Variants in CTNND2 observed in about 807,000 individuals in gnomAD.
CTNND2 encodes the protein catenin delta 2, also known as catenin delta-2.
A neutral mutation model predicts 144.4 loss-of-function variants in CTNND2; 22 were observed. The ratio of observed to expected loss-of-function variants is 0.15; its 90% CI spans 0.11 to 0.22. The LOEUF (loss-of-function observed/expected upper bound fraction) is 0.22, where lower values mean the gene tolerates loss of function less well. CTNND2 is among the 10% of genes least tolerant of loss of function. CTNND2 has a pLI of 1.00. For missense variants in CTNND2, 1,353 were observed against 1,618.8 expected (o/e 0.84, Z 2.82); for synonymous variants, 751 against 695.6 (o/e 1.08, Z -1.25).
chr5:11,484,927 G>C (rs903985122), intron 3 of CTNND2, among the ~76,000 whole-genome samples: 1 of 152,078 alleles, frequency 6.6e-6, no homozygotes, highest in African/African-American at 2.4e-5. Context: ...TAAAAGAGGT[G>C]AAAGTATGAA....
chr5:11,758,673 T>A lies in CTNND2; in HGVS notation c.38-26401A>T, dbSNP rs542045840. Among the ~76,000 whole-genome samples, 10 of 152,212 alleles carry A rather than the reference T, an allele frequency of 6.6e-5. No homozygotes were observed. The South Asian group carries it at 2.1e-3, about 32-fold the overall frequency. On this transcript the variant is annotated intron_variant, in intron 1 of 21. Coordinates refer to ENST00000304623, the MANE Select transcript of CTNND2 (RefSeq NM_001332.4). ...TTATGTAACCATATCATATAGTAAA[T>A]CTTAGATATGAGTAAACAGGTTTAA...
At chr5:11,218,011 C>G (rs60478822) in intron 10 of CTNND2, among the ~76,000 whole-genome samples, 1 of 151,340 alleles carries the variant, frequency 6.6e-6, no homozygotes, top group Non-Finnish European at 1.5e-5. Flanking sequence ...TCATTTCTTC[C>G]TTCTTTCCTC....
intron 1 of CTNND2, among the ~76,000 whole-genome samples, chr5:11,885,466 AAT>A (rs1443933174): frequency 1.3e-5 from 2 of 152,190 alleles, no homozygotes; most frequent in Non-Finnish European, 2.9e-5. Context: ...ATCCTTATAT[AAT>A]GATCTTTGGG....
chr5:11,668,592 T>C lies in CTNND2; in HGVS notation c.174+63544A>G, dbSNP rs549936047. On this transcript the variant is annotated intron_variant, in intron 2 of 21. Transcript: ENST00000304623. ...TCTGTTAATGGTGTATAGGAATGCC[T>C]GTGATTTTTGCACATTGATTTTGTA... Among the ~76,000 whole-genome samples the C allele has an allele frequency of 3.9e-5, 6 of 152,340 alleles. No individual in the cohort carries two copies. The South Asian group carries it at 1.2e-3, about 32-fold the overall frequency.
At chr5:11,067,147 C>G (rs1747705376) in intron 16 of CTNND2, among the ~76,000 whole-genome samples, 3 of 152,102 alleles carry the variant, frequency 2.0e-5, no homozygotes, top group Middle Eastern at 3.2e-3. Context: ...GCCTCACATC[C>G]CCTCTATATA....
intron 3 of CTNND2, among the ~76,000 whole-genome samples, chr5:11,512,147 C>T (rs1771709186): frequency 1.3e-5 from 2 of 152,220 alleles, no homozygotes; most frequent in Non-Finnish European, 2.9e-5. Context: ...GGGCCCCACA[C>T]TGAGAAGAAC....
chr5:11,503,687 T>C (rs1296581185), intron 3 of CTNND2, among the ~76,000 whole-genome samples: 1 of 152,158 alleles, frequency 6.6e-6, no homozygotes, highest in Non-Finnish European at 1.5e-5. Flanking sequence ...AACTCCAGAG[T>C]GATTTAAAGA....
chr5:11,042,317 T>C (rs1344122065), intron 16 of CTNND2, among the ~76,000 whole-genome samples: 1 of 152,230 alleles, frequency 6.6e-6, no homozygotes. Flanking sequence ...AGTCTGTTTT[T>C]AGTGTTGGCT....
chr5:11,533,325 T>C (rs1403083935), intron 3 of CTNND2, among the ~76,000 whole-genome samples: 2 of 152,242 alleles, frequency 1.3e-5, no homozygotes, highest in African/African-American at 2.4e-5. Flanking sequence ...TTAATGTAAA[T>C]TATACTCAGG....
chr5:11,592,154 TC>T (rs1779277934), intron 2 of CTNND2, among the ~76,000 whole-genome samples: 2 of 133,880 alleles, frequency 1.5e-5, no homozygotes, highest in Non-Finnish European at 3.2e-5. Context: ...CTTCCTGCCT[TC>T]CTGCCTGCCT....
At chr5:11,706,305 A>G (rs1785689699) in intron 2 of CTNND2, among the ~76,000 whole-genome samples, 1 of 152,208 alleles carries the variant, frequency 6.6e-6, no homozygotes, top group South Asian at 2.1e-4. Context: ...AACAAAAGCA[A>G]AACTCTGAAA....
chr5:11,316,067 A>C (rs1477839414), intron 9 of CTNND2, among the ~76,000 whole-genome samples: 2 of 152,182 alleles, frequency 1.3e-5, no homozygotes, highest in African/African-American at 4.8e-5. Context: ...TCTAAATGTT[A>C]ATCTGATTCC....
In CTNND2 at chr5:11,425,563, C is replaced by T. The variant is rs559953056; in HGVS notation, c.288-13494G>A. Among the ~76,000 whole-genome samples the T allele has an allele frequency of 5.3e-5, 8 of 152,250 alleles. No individual in the cohort carries two copies. In the South Asian group the frequency reaches 6.2e-4, roughly 12 times the overall value. On this transcript the variant is annotated intron_variant, in intron 3 of 21. Coordinates refer to ENST00000304623, the MANE Select transcript of CTNND2 (RefSeq NM_001332.4). ...TGAATGAGAGGTCTGATGAAACAAC[C>T]GCACTGCCAGTCGAATGTATAAAAT...
chr5:11,448,861 AGTTT>A (rs753849626), intron 3 of CTNND2, among the ~76,000 whole-genome samples: 4 of 151,290 alleles, frequency 2.6e-5, no homozygotes, highest in East Asian at 1.9e-4. Flanking sequence ...CTTGTTTGCT[AGTTT>A]GTTTGTTTGT....
At chr5:11,037,196 C>T (rs1274466875) in intron 16 of CTNND2, among the ~76,000 whole-genome samples, 1 of 152,196 alleles carries the variant, frequency 6.6e-6, no homozygotes, top group Admixed American at 6.5e-5. Context: ...ATGGCCGTCA[C>T]TGACTAATTA....
intron 3 of CTNND2, among the ~76,000 whole-genome samples, chr5:11,542,748 A>G (rs529212712): frequency 1.2e-4 from 18 of 152,340 alleles, no homozygotes; most frequent in African/African-American, 4.1e-4. Context: ...TTGTCTGTCA[A>G]TCAAAGCCTT....
chr5:11,565,318 AG>A (rs1776991029), intron 2 of CTNND2, among the ~76,000 whole-genome samples: 1 of 152,244 alleles, frequency 6.6e-6, no homozygotes, highest in African/African-American at 2.4e-5. Flanking sequence ...GATGGATATG[AG>A]GATTAAAGGA....
chr5:11,017,293 T>C (rs1045324359), intron 18 of CTNND2, among the ~76,000 whole-genome samples: 2 of 152,022 alleles, frequency 1.3e-5, no homozygotes, highest in African/African-American at 2.4e-5. Flanking sequence ...TTTTGAGCCA[T>C]GTTGGGGGTG....
chr5:11,225,785 C>A (rs1740270669), intron 10 of CTNND2, among the ~76,000 whole-genome samples: 1 of 152,184 alleles, frequency 6.6e-6, no homozygotes, highest in South Asian at 2.1e-4. Flanking sequence ...TCGTCCCCCA[C>A]AAAAGATATA....
Sources: gnomAD v4.1 joint callset for allele counts (sites outside exome capture counted in the v4.1 genomes callset) on GRCh38, gnomAD v4.1.1 for gene constraint, MANE v1.5 for transcripts, NCBI Gene and HGNC (gene_info 2026-07-23, HGNC 2026-07-21) for gene names.